Variants in OPCML observed in about 807,000 individuals in gnomAD.
OPCML encodes opioid binding protein/cell adhesion molecule like.
OPCML carries 13 observed loss-of-function variants against 37.8 expected under a neutral mutation model. The observed-to-expected ratio is 0.34, with a 90% confidence interval of 0.22 to 0.55. OPCML has a LOEUF of 0.55. Among genes scored for constraint, OPCML ranks in the 20% least tolerant of loss-of-function variants. The probability of loss-of-function intolerance (pLI) is 0.91; values close to 1 mark genes in which losing one functional copy is unlikely to be tolerated. For missense variants in OPCML, 341 were observed against 435.6 expected (o/e 0.78, Z 1.93); for synonymous variants, 176 against 168.8 (o/e 1.04, Z -0.33).
intron 2 of OPCML, among the ~76,000 whole-genome samples, chr11:132,886,977 C>G (rs1943447392): frequency 6.6e-6 from 1 of 152,136 alleles, no homozygotes; most frequent in South Asian, 2.1e-4. Flanking sequence ...CACTGAGCAT[C>G]TCAGAGCCCC....
At chr11:132,589,594 T>C (rs1176222592) in intron 3 of OPCML, among the ~76,000 whole-genome samples, 1 of 152,206 alleles carries the variant, frequency 6.6e-6, no homozygotes, top group Non-Finnish European at 1.5e-5. Flanking sequence ...GAGAAGGCTC[T>C]CTGAGGAGGT....
intron 4 of OPCML, among the ~76,000 whole-genome samples, chr11:132,512,818 G>A (rs12294630): frequency 0.19 from 28,283 of 151,556 alleles, 2,732 homozygotes; most frequent in Non-Finnish European, 0.2. Flanking sequence ...ATCAGTGTTT[G>A]CCTCAAGTTG....
chr11:132,537,732 TCCA>T (rs1445574246), intron 3 of OPCML, among the ~76,000 whole-genome samples: 2 of 152,168 alleles, frequency 1.3e-5, no homozygotes, highest in African/African-American at 4.8e-5. Context: ...TGTCAAATAA[TCCA>T]ATTTAAAAAT....
intron 3 of OPCML, among the ~76,000 whole-genome samples, chr11:132,564,339 C>T (rs2096417416): frequency 6.6e-6 from 1 of 152,220 alleles, no homozygotes; most frequent in Non-Finnish European, 1.5e-5. Flanking sequence ...GGCTGGGAGA[C>T]CTAACCGCTT....
intron 3 of OPCML, among the ~76,000 whole-genome samples, chr11:132,581,891 G>A (rs1305054961): frequency 1.3e-5 from 2 of 151,990 alleles, no homozygotes; most frequent in African/African-American, 4.8e-5. Context: ...GTATTCTTAT[G>A]AAGACAGACA....
chr11:133,388,224 C>T (rs1040583638), intron 1 of OPCML, among the ~76,000 whole-genome samples: 3 of 152,174 alleles, frequency 2.0e-5, no homozygotes, highest in Non-Finnish European at 4.4e-5. Context: ...TCATGATATG[C>T]TAACAATGGC....
At chr11:132,972,761 G>T (rs1946371872) in intron 1 of OPCML, among the ~76,000 whole-genome samples, 1 of 152,184 alleles carries the variant, frequency 6.6e-6, no homozygotes, top group Non-Finnish European at 1.5e-5. Context: ...ACTGGGAACA[G>T]GCCCTTCCTT....
At chr11:132,706,641 C>T (rs1944044197) in intron 2 of OPCML, among the ~76,000 whole-genome samples, 1 of 152,134 alleles carries the variant, frequency 6.6e-6, no homozygotes, top group South Asian at 2.1e-4. Flanking sequence ...CGAGCCTCTC[C>T]TCTAACCCCC....
chr11:133,070,403 C>CTGG (rs1227353135), intron 1 of OPCML, among the ~76,000 whole-genome samples: 1 of 152,170 alleles, frequency 6.6e-6, no homozygotes, highest in East Asian at 1.9e-4. Flanking sequence ...TTCTCCCACC[C>CTGG]TGGTCCATTT....
chr11:133,257,946 G>T (rs140038401), intron 1 of OPCML, among the ~76,000 whole-genome samples: 2 of 151,062 alleles, frequency 1.3e-5, no homozygotes, highest in Admixed American at 1.3e-4. Flanking sequence ...TAAATCTATC[G>T]ATGACTGGAA....
intron 1 of OPCML, among the ~76,000 whole-genome samples, chr11:133,491,316 G>A (rs1947651127): frequency 6.6e-6 from 1 of 152,118 alleles, no homozygotes; most frequent in Non-Finnish European, 1.5e-5. Flanking sequence ...GCATCACACA[G>A]CCTTGAAAAA....
intron 2 of OPCML, among the ~76,000 whole-genome samples, chr11:132,847,372 AG>A (rs1164189349): frequency 6.6e-6 from 1 of 152,162 alleles, no homozygotes; most frequent in African/African-American, 2.4e-5. Context: ...CCGTGGAGTA[AG>A]ACTCCAGAGT....
intron 7 of OPCML, among the ~76,000 whole-genome samples, chr11:132,434,105 C>A (rs969305381): frequency 2.6e-5 from 4 of 152,128 alleles, no homozygotes; most frequent in Non-Finnish European, 4.4e-5. Flanking sequence ...GCAATCCCAC[C>A]AACCATGGGG....
intron 1 of OPCML, among the ~76,000 whole-genome samples, chr11:133,417,488 T>TTTA (rs1165852734): frequency 6.6e-6 from 1 of 152,036 alleles, no homozygotes; most frequent in African/African-American, 2.4e-5. Flanking sequence ...TATTTATTTA[T>TTTA]TTATTATTAT....
At chr11:132,792,493 C>T (rs545405279) in intron 2 of OPCML, among the ~76,000 whole-genome samples, 1 of 152,280 alleles carries the variant, frequency 6.6e-6, no homozygotes, top group South Asian at 2.1e-4. Flanking sequence ...CCAAGGAGTC[C>T]GCTCTCCCCA....
chr11:132,904,691 G>C (rs1475128348), intron 2 of OPCML, among the ~76,000 whole-genome samples: 1 of 152,208 alleles, frequency 6.6e-6, no homozygotes, highest in African/African-American at 2.4e-5. Flanking sequence ...TATCGCAGAA[G>C]CCTGCAGATG....
At chr11:133,494,020 A>G (rs1947725064) in intron 1 of OPCML, among the ~76,000 whole-genome samples, 1 of 152,166 alleles carries the variant, frequency 6.6e-6, no homozygotes, top group Non-Finnish European at 1.5e-5. Flanking sequence ...TACAAAAAAA[A>G]AAAACACACA....
At chr11:133,000,889 T>C (rs893154695) in intron 1 of OPCML, among the ~76,000 whole-genome samples, 2 of 152,092 alleles carry the variant, frequency 1.3e-5, no homozygotes, top group African/African-American at 4.8e-5. Context: ...ATTAAGTGAG[T>C]CCTTCTCGTA....
At chr11:133,253,813 T>TCCTTCCCTTCCCTTC (rs750850537) in intron 1 of OPCML, among the ~76,000 whole-genome samples, 41 of 136,684 alleles carry the variant, frequency 3.0e-4, no homozygotes, top group Admixed American at 2.8e-4. Context: ...CCTTTTTCCC[T>TCCTTCCCTTCCCTTC]CCTTCCCTTC....
Sources: gnomAD v4.1 joint callset for allele counts (sites outside exome capture counted in the v4.1 genomes callset) on GRCh38, gnomAD v4.1.1 for gene constraint, MANE v1.5 for transcripts, NCBI Gene and HGNC (gene_info 2026-07-23, HGNC 2026-07-21) for gene names.